Variants in SOX6 observed in about 807,000 individuals in gnomAD.
The protein encoded by SOX6 is SRY-box transcription factor 6.
A neutral mutation model predicts 97.8 loss-of-function variants in SOX6; 11 were observed. That is an observed-to-expected ratio of 0.11 (90% confidence interval 0.07 to 0.19). The LOEUF is 0.19. SOX6 is among the 10% of genes least tolerant of loss of function. The pLI, the probability that SOX6 is intolerant of heterozygous loss-of-function variation, is 1.00. For synonymous variants in SOX6, 360 were observed against 371.4 expected, an observed-to-expected ratio of 0.97 and a Z score of 0.35; for missense variants, 810 against 1,039.5, an observed-to-expected ratio of 0.78 and a Z score of 3.04.
intron 1 of SOX6, among the ~76,000 whole-genome samples, chr11:16,363,261 G>T (rs117229602): frequency 6.6e-6 from 1 of 152,064 alleles, no homozygotes; most frequent in Non-Finnish European, 1.5e-5. Context: ...ACTCAATAAA[G>T]GTTTTTGAGT....
intron 4 of SOX6, among the ~76,000 whole-genome samples, chr11:16,513,435 C>A (rs1441619458): frequency 1.2e-4 from 19 of 152,068 alleles, no homozygotes; most frequent in Admixed American, 1.2e-3. Context: ...AAGTTTGAGA[C>A]CAGCCTGGCC....
At chr11:15,992,287 C>A (rs1358145691) in intron 13 of SOX6, among the ~76,000 whole-genome samples, 1 of 152,060 alleles carries the variant, frequency 6.6e-6, no homozygotes, top group Non-Finnish European at 1.5e-5. Flanking sequence ...AGAGATTTAC[C>A]CAGGGAGGCC....
intron 7 of SOX6, among the ~76,000 whole-genome samples, chr11:16,105,474 A>G (rs1849056407): frequency 6.6e-6 from 1 of 152,086 alleles, no homozygotes; most frequent in Admixed American, 6.6e-5. Context: ...AGGCTGAGGT[A>G]GAAAGATTGC....
intron 3 of SOX6, among the ~76,000 whole-genome samples, chr11:16,692,130 G>A (rs1427363604): frequency 6.6e-6 from 1 of 151,824 alleles, no homozygotes; most frequent in East Asian, 1.9e-4. Context: ...CACCCAGGCA[G>A]TGGCGTGATC....
At chr11:16,653,440 C>A (rs796350886) in intron 3 of SOX6, among the ~76,000 whole-genome samples, 2 of 151,960 alleles carry the variant, frequency 1.3e-5, no homozygotes, top group African/African-American at 4.8e-5. Context: ...AACGACTTAG[C>A]CAAAAAAGGA....
intron 1 of SOX6, among the ~76,000 whole-genome samples, chr11:16,363,908 C>T (rs1857275987): frequency 6.6e-6 from 1 of 152,030 alleles, no homozygotes; most frequent in Non-Finnish European, 1.5e-5. Context: ...CCACAGCTAA[C>T]CCATGGCAGA....
chr11:16,490,197 T>G (rs1296955461), intron 4 of SOX6, among the ~76,000 whole-genome samples: 2 of 152,018 alleles, frequency 1.3e-5, no homozygotes, highest in African/African-American at 4.8e-5. Flanking sequence ...CAAAAGCAAT[T>G]ATAGAAATTA....
intron 4 of SOX6, among the ~76,000 whole-genome samples, chr11:16,202,188 C>T (rs2134129264): frequency 6.6e-6 from 1 of 152,154 alleles, no homozygotes; most frequent in South Asian, 2.1e-4. Flanking sequence ...AGCACATGTT[C>T]AACTCTTATA....
At chr11:16,658,548 A>G (rs1847741835) in intron 3 of SOX6, among the ~76,000 whole-genome samples, 1 of 152,128 alleles carries the variant, frequency 6.6e-6, no homozygotes, top group Admixed American at 6.5e-5. Context: ...CTCTACTAAA[A>G]ATACAAAAAA....
At chr11:16,426,771 G>A (rs985388214) in intron 1 of SOX6, among the ~76,000 whole-genome samples, 7 of 151,198 alleles carry the variant, frequency 4.6e-5, no homozygotes, top group African/African-American at 7.3e-5. Flanking sequence ...AAAATTAGCC[G>A]GGCGTAGTGG....
intron 2 of SOX6, among the ~76,000 whole-genome samples, chr11:16,727,436 CTT>C (rs72382796): frequency 6.9e-6 from 1 of 144,450 alleles, no homozygotes; most frequent in Non-Finnish European, 1.5e-5. Context: ...TCACTTTCTT[CTT>C]TTTTTTTTTG....
intron 3 of SOX6, among the ~76,000 whole-genome samples, chr11:16,245,731 T>A (rs1853316099): frequency 6.6e-6 from 1 of 151,654 alleles, no homozygotes; most frequent in Admixed American, 6.6e-5. Flanking sequence ...TGGAGTCTAC[T>A]TTTATATTAA....
intron 3 of SOX6, among the ~76,000 whole-genome samples, chr11:16,633,042 C>T (rs2133997167): frequency 1.3e-5 from 2 of 152,160 alleles, no homozygotes; most frequent in Admixed American, 1.3e-4. Context: ...TGGAGAGGGC[C>T]TCCCTGTACC....
chr11:16,359,249 A>G (rs1857143560), upstream of SOX6, among the ~76,000 whole-genome samples: 1 of 152,130 alleles, frequency 6.6e-6, no homozygotes, highest in Non-Finnish European at 1.5e-5. Context: ...TGAGACTTAT[A>G]AAAGAATATG....
chr11:16,634,985 C>G (rs1449405202), intron 3 of SOX6, among the ~76,000 whole-genome samples: 1 of 152,148 alleles, frequency 6.6e-6, no homozygotes, highest in Non-Finnish European at 1.5e-5. Context: ...GTTTGCTTCC[C>G]CTTCTGACAT....
At chr11:16,347,459 A>G (rs1195122207) in intron 1 of SOX6, among the ~76,000 whole-genome samples, 1 of 152,132 alleles carries the variant, frequency 6.6e-6, no homozygotes, top group Non-Finnish European at 1.5e-5. Context: ...GAGGATTTTA[A>G]TCTAGCACAA....
intron 3 of SOX6, among the ~76,000 whole-genome samples, chr11:16,618,775 T>C (rs1848502807): frequency 6.6e-6 from 1 of 152,026 alleles, no homozygotes; most frequent in African/African-American, 2.4e-5. Context: ...GTGCTGCACA[T>C]ACTGTATGAC....
intron 4 of SOX6, among the ~76,000 whole-genome samples, chr11:16,500,039 A>G (rs1306531443): frequency 6.6e-6 from 1 of 152,234 alleles, no homozygotes; most frequent in Non-Finnish European, 1.5e-5. Flanking sequence ...ATCCCTGATG[A>G]ACATCAATGC....
chr11:16,531,594 T>A (rs1861237362), intron 4 of SOX6, among the ~76,000 whole-genome samples: 1 of 151,846 alleles, frequency 6.6e-6, no homozygotes, highest in South Asian at 2.1e-4. Flanking sequence ...CTGTCACATG[T>A]TGGAATCTGG....
Sources: gnomAD v4.1 joint callset for allele counts (sites outside exome capture counted in the v4.1 genomes callset) on GRCh38, gnomAD v4.1.1 for gene constraint, MANE v1.5 for transcripts, NCBI Gene and HGNC (gene_info 2026-07-23, HGNC 2026-07-21) for gene names.